The following AP2B1 variants were observed in gnomAD, a reference collection of about 807,000 sequenced individuals.
The protein encoded by AP2B1 is adaptor related protein complex 2 subunit beta 1.
In AP2B1, 23 loss-of-function variants were observed where a neutral mutation model predicts 102.0. The observed-to-expected ratio is 0.23, with a 90% CI of 0.16 to 0.32. The LOEUF (loss-of-function observed/expected upper bound fraction) is 0.32. Ranked by LOEUF, AP2B1 falls within the 10% of genes least tolerant of loss-of-function variation. AP2B1 has a pLI of 1.00. For missense variants in AP2B1, 541 were observed against 1,157.4 expected, an observed-to-expected ratio of 0.47 and a Z score of 7.73; for synonymous variants, 381 against 421.2, an observed-to-expected ratio of 0.90 and a Z score of 1.17.
intron 18 of AP2B1, among the ~76,000 whole-genome samples, chr17:35,692,201 A>C (rs1053203288): frequency 2.0e-5 from 3 of 152,196 alleles, no homozygotes; most frequent in African/African-American, 7.2e-5. Context: ...ACAGTTAAAC[A>C]CCCAAACTTG....
intron 18 of AP2B1, among the ~76,000 whole-genome samples, chr17:35,705,967 A>G (rs587620501): frequency 1.2e-4 from 19 of 152,290 alleles, no homozygotes; most frequent in Non-Finnish European, 2.5e-4. Flanking sequence ...TGTGATCTAC[A>G]TTTTACAGAC....
At position 35,657,782 on chromosome 17, in the gene AP2B1, A is replaced by G; in HGVS notation, c.1980A>G (p.Leu660=). ...MGAVDLLGGG[L]DSLLGSDLGG... Reference sequence around the variant, plus strand: ...CAGTGGATCTCCTAGGAGGAGGACTAGATAGTCTGGTAAGCATCTTTCTTC... The same window carrying G: ...CAGTGGATCTCCTAGGAGGAGGACTGGATAGTCTGGTAAGCATCTTTCTTC... The change falls in exon 14 of 22, where the codon CTA becomes CTG. Residue 660 remains leucine (L), a synonymous_variant. Coordinates refer to ENST00000610402, the MANE Select transcript of AP2B1 (RefSeq NM_001030006.2). The G allele has an allele frequency of 1.2e-6, 2 of 1,612,412 alleles. No individual in the cohort carries two copies. The highest frequency in any genetic ancestry group is 1.7e-6 in the Non-Finnish European group (2 of 1,179,344).
At chr17:35,596,755 C>T in intron 2 of AP2B1, 2 of 557,710 alleles carry the variant, frequency 3.6e-6, no homozygotes, top group Non-Finnish European at 6.5e-6. Flanking sequence ...GGGCTGGTGG[C>T]GAGTACAGCG....
rs560786258 is a variant in AP2B1, at chr17:35,600,428, A to C, written c.143+2093A>C. 2.0e-5 allele frequency among the ~76,000 whole-genome samples: 3 copies of C among 152,310 alleles called. No individual in the cohort carries two copies. In the South Asian group the frequency reaches 6.2e-4, roughly 32 times the overall value. On this transcript the variant is annotated intron_variant, in intron 3 of 21. Coordinates refer to ENST00000610402, the MANE Select transcript of AP2B1 (RefSeq NM_001030006.2). ...ATCAAGAATTTCTAGTTATAACAAA[A>C]AAAAAAAGAAAATAAGGAATATGTA...
At chr17:35,638,769 A>G (rs1348822988) in intron 10 of AP2B1, among the ~76,000 whole-genome samples, 2 of 147,072 alleles carry the variant, frequency 1.4e-5, no homozygotes, top group Non-Finnish European at 3.0e-5. Flanking sequence ...AGCCTGGGCG[A>G]CAGAGCAACA....
Position 35,648,524 on chromosome 17 carries a change from G to GCATA in AP2B1, c.1537-1971_1537-1968dup, listed in dbSNP as rs71366470. On this transcript the variant is annotated intron_variant, in intron 12 of 21. Transcript: ENST00000610402. ...AACAAGACTCTGTCTCAAAATACAT[G>GCATA]CATACATACATACATACATACATAC... Among the ~76,000 whole-genome samples the GCATA allele has an allele frequency of 3.1e-3, 472 of 150,076 alleles. 3 individuals carry two copies. The highest frequency in any genetic ancestry group is 0.014 in the South Asian group (64 of 4,690).
intron 20 of AP2B1, 76 bp downstream of exon 20, chr17:35,710,396 GCCTAC>G: frequency 9.4e-7 from 1 of 1,059,894 alleles, no homozygotes; most frequent in South Asian, 1.4e-5. Context: ...TCTTTCTTTT[GCCTAC>G]CCTTTTATCC....
chr17:35,723,759 C>G lies in AP2B1; in HGVS notation c.*60C>G. On this transcript the variant is annotated 3_prime_UTR_variant, in exon 22 of 22. Transcript: ENST00000610402. ...ATCGGTGCAAGTCAAGAACTCTTAA[C>G]TGGAAGAAATTGTATTGCTGCGTAG... The G allele has an allele frequency of 7.9e-7, 1 of 1,260,002 alleles. No individual in the cohort carries two copies. Among genetic ancestry groups the G allele is most frequent in the East Asian group, 2.3e-5 (1 of 43,040 alleles). The allele number at this position is 1,260,002 out of a possible 1,614,324, so 78.1% of individuals were successfully genotyped here. A position where few individuals can be genotyped will look rare whatever the true frequency, so the allele number is the denominator to read the frequency against.
chr17:35,636,634 CTGCTT>C (rs747030246), intron 10 of AP2B1, among the ~76,000 whole-genome samples, 178 bp downstream of exon 10: 7 of 152,212 alleles, frequency 4.6e-5, no homozygotes, highest in Non-Finnish European at 7.3e-5. Flanking sequence ...AGTTTTCACT[CTGCTT>C]TCTTTCTTTA....
chr17:35,631,879 C>T (rs1303799658), intron 9 of AP2B1, among the ~76,000 whole-genome samples: 1 of 152,098 alleles, frequency 6.6e-6, no homozygotes, highest in Non-Finnish European at 1.5e-5. Flanking sequence ...TTATCTTTTC[C>T]ACATTGTTGT....
At chr17:35,627,880 C>T (rs1362163660) in intron 9 of AP2B1, among the ~76,000 whole-genome samples, 154 bp downstream of exon 9, 7 of 152,118 alleles carry the variant, frequency 4.6e-5, no homozygotes, top group Non-Finnish European at 1.0e-4. Flanking sequence ...TCTCTGGTTC[C>T]TCCCTTCCCT....
chr17:35,628,034 G>A (rs1156670638), intron 9 of AP2B1, among the ~76,000 whole-genome samples: 5 of 152,080 alleles, frequency 3.3e-5, no homozygotes, highest in Non-Finnish European at 5.9e-5. Flanking sequence ...CAGGGGAAAA[G>A]AAAAAGGATG....
Position 35,639,706 on chromosome 17 carries a change from T to C in AP2B1, c.1383T>C (p.Asn461=), listed in dbSNP as rs748585806. Residue 461 remains asparagine, a synonymous_variant, in exon 11 of 22, where the codon AAT becomes AAC. Coordinates refer to ENST00000610402, the MANE Select transcript of AP2B1 (RefSeq NM_001030006.2). ...IVGEYAERID[N]ADELLESFLE... is the part of the protein sequence containing the mutation. ...GAGAATATGCTGAAAGAATTGACAA[T>C]GCAGATGAGTTACTAGAAAGCTTCC... is the stretch of plus-strand genomic sequence containing the variant. 5.3e-5 allele frequency: 85 copies of C among 1,614,054 alleles called. No homozygotes were observed. Among genetic ancestry groups the C allele is most frequent in the Non-Finnish European group, 6.7e-5 (79 of 1,180,034 alleles).
chr17:35,633,347 G>T (rs1480441340), intron 9 of AP2B1, among the ~76,000 whole-genome samples: 2 of 129,652 alleles, frequency 1.5e-5, no homozygotes, highest in Non-Finnish European at 3.3e-5. Context: ...CACAGAGCGA[G>T]ACTGTGTCTC....
chr17:35,643,315 A>G (rs1052720556), intron 12 of AP2B1, among the ~76,000 whole-genome samples: 1 of 152,236 alleles, frequency 6.6e-6, no homozygotes, highest in South Asian at 2.1e-4. Flanking sequence ...AGCAGCTCAC[A>G]TTCTGTCAAA....
At chr17:35,640,214 G>A (rs1933948952) in intron 11 of AP2B1, among the ~76,000 whole-genome samples, 1 of 145,048 alleles carries the variant, frequency 6.9e-6, no homozygotes, top group South Asian at 2.2e-4. Flanking sequence ...ACTATGCCTG[G>A]CCAGTTTTAC....
chr17:35,697,672 G>T (rs1301447459), intron 18 of AP2B1, among the ~76,000 whole-genome samples: 1 of 152,188 alleles, frequency 6.6e-6, no homozygotes, highest in Non-Finnish European at 1.5e-5. Context: ...AACTTTAAAA[G>T]CAAGTGCCTG....
intron 15 of AP2B1, among the ~76,000 whole-genome samples, 161 bp from the exon 16 acceptor site, chr17:35,671,593 A>T (rs2075587956): frequency 6.6e-6 from 1 of 152,232 alleles, no homozygotes; most frequent in Non-Finnish European, 1.5e-5. Context: ...AACTGTCATG[A>T]TTAAAAAGAT....
intron 12 of AP2B1, among the ~76,000 whole-genome samples, chr17:35,645,741 C>A (rs1234166872): frequency 6.6e-6 from 1 of 151,988 alleles, no homozygotes; most frequent in South Asian, 2.1e-4. Flanking sequence ...CCCAACTACT[C>A]GGGAGGCTGA....
Sources: gnomAD v4.1 joint callset for allele counts (sites outside exome capture counted in the v4.1 genomes callset) on GRCh38, gnomAD v4.1.1 for gene constraint, MANE v1.5 for transcripts, NCBI Gene and HGNC (gene_info 2026-07-23, HGNC 2026-07-21) for gene names.